The following KCNQ2 variants were observed in gnomAD, a reference collection of about 807,000 sequenced individuals.
KCNQ2 encodes the protein potassium voltage-gated channel subfamily KQT member 2.
In KCNQ2, 14 loss-of-function variants were observed where a neutral mutation model predicts 84.8. The observed-to-expected ratio is 0.17, with a 90% confidence interval of 0.11 to 0.26. The LOEUF is 0.26. Among genes scored for constraint, KCNQ2 ranks in the 10% least tolerant of loss-of-function variants. The pLI is 1.00. For synonymous variants in KCNQ2, 599 were observed against 554.1 expected (o/e 1.08, Z -1.14); for missense variants, 788 against 1,254.0 (o/e 0.63, Z 5.61).
chr20:63,414,269 G>T lies in KCNQ2; in HGVS notation c.1526-76C>A. ...TTCCCGGGGTCCTGCAGGGCACACC[G>T]GCTAGACAGAGCGCCAGGGAGCCCC... On this transcript the variant is annotated intron_variant, in intron 13 of 16. Transcript: ENST00000359125. The surrounding 1 kb of genome is among the most constrained non-coding windows in gnomAD (Gnocchi z 6.6). The T allele has an allele frequency of 9.1e-7, 1 of 1,095,412 alleles. No individual in the cohort carries two copies. Among genetic ancestry groups the T allele is most frequent in the Non-Finnish European group, 1.4e-6 (1 of 717,932 alleles). The allele number at this position is 1,095,412 out of a possible 1,614,324, so 67.9% of individuals were successfully genotyped here. A position where few individuals can be genotyped will look rare whatever the true frequency, so the allele number is the denominator to read the frequency against.
chr20:63,431,291 G>C, intron 9 of KCNQ2, 49 bp downstream of exon 9: 1 of 1,607,948 alleles, frequency 6.2e-7, no homozygotes, highest in Non-Finnish European at 8.5e-7. Context: ...TCCAGACACA[G>C]AACTAGAACC....
intron 10 of KCNQ2, among the ~76,000 whole-genome samples, chr20:63,427,158 G>T (rs980616858): frequency 6.6e-5 from 10 of 152,242 alleles, no homozygotes; most frequent in African/African-American, 2.4e-4. Context: ...GGAAGTGGAG[G>T]TTGCAGTGAG....
At chr20:63,452,306 C>A (rs2081637664) in intron 1 of KCNQ2, among the ~76,000 whole-genome samples, 1 of 152,272 alleles carries the variant, frequency 6.6e-6, no homozygotes, top group African/African-American at 2.4e-5. Flanking sequence ...TAATCCAGTG[C>A]CTGCCTCTGA....
intron 4 of KCNQ2, among the ~76,000 whole-genome samples, 192 bp downstream of exon 4, chr20:63,444,467 C>T (rs1042553606): frequency 1.3e-5 from 2 of 152,130 alleles, no homozygotes; most frequent in Non-Finnish European, 2.9e-5. Flanking sequence ...GCCCAAGTCA[C>T]GAGAAGAAGC....
chr20:63,463,221 C>G (rs1283558342), intron 1 of KCNQ2, among the ~76,000 whole-genome samples: 1 of 152,068 alleles, frequency 6.6e-6, no homozygotes, highest in African/African-American at 2.4e-5. Flanking sequence ...ACAATCACAC[C>G]ACTGCACTCA....
intron 15 of KCNQ2, chr20:63,411,744 A>G: frequency 1.7e-6 from 1 of 585,972 alleles, no homozygotes; most frequent in Non-Finnish European, 3.1e-6. Flanking sequence ...GCCATTCCAC[A>G]GACACGTCGG....
intron 1 of KCNQ2, among the ~76,000 whole-genome samples, chr20:63,461,649 C>A (rs1398630724): frequency 2.0e-5 from 3 of 152,154 alleles, no homozygotes; most frequent in Non-Finnish European, 4.4e-5. Flanking sequence ...ATATCACCTA[C>A]CCCAGGCAGC....
chr20:63,469,061 C>T lies in KCNQ2; in HGVS notation c.296+3107G>A, dbSNP rs546614451. Among the ~76,000 whole-genome samples, 3 of 152,360 alleles carry T rather than the reference C, an allele frequency of 2.0e-5. No individual in the cohort carries two copies. In the East Asian group the frequency reaches 5.8e-4, roughly 29 times the overall value. Reference sequence around the variant, plus strand: ...CAGCAACCCACGCGGGGATCCTGGACGAGGAGGTTCAACTCCGTGGTGGAG... The same window carrying T: ...CAGCAACCCACGCGGGGATCCTGGATGAGGAGGTTCAACTCCGTGGTGGAG... On this transcript the variant is annotated intron_variant, in intron 1 of 16. Coordinates refer to ENST00000359125, the MANE Select transcript of KCNQ2 (RefSeq NM_172107.4).
intron 5 of KCNQ2, among the ~76,000 whole-genome samples, 174 bp downstream of exon 5, chr20:63,442,232 G>A (rs1037809959): frequency 4.9e-5 from 2 of 40,952 alleles, no homozygotes; most frequent in South Asian, 7.7e-4. Context: ...CCACTCCCCC[G>A]CCAGCTTGGC....
In KCNQ2 at chr20:63,428,423, CG is replaced by C. The variant is rs796052657; in HGVS notation, c.1160del (p.Pro387ArgfsTer2). 1 of 1,589,716 alleles carries C rather than the reference CG, an allele frequency of 6.3e-7. No homozygotes were observed. Among genetic ancestry groups the C allele is most frequent in the Non-Finnish European group, 8.6e-7 (1 of 1,168,652 alleles). On this transcript the variant is annotated frameshift_variant, in exon 10 of 17. Coordinates refer to ENST00000359125, the MANE Select transcript of KCNQ2 (RefSeq NM_172107.4). LOFTEE classifies it high-confidence loss of function. ...QTYGASRLIPPLNQLELLRNL... is the reference protein window; with the variant it reads ...QTYGASRLIPXLNQLELLRNL... ...TCCTCAGCAGCTCCAGCTGGTTCAG[CG>C]GGGGGATAAGTCTGGGGCAAGAGAA... is the stretch of plus-strand genomic sequence containing the variant.
rs2079783507 is a variant in KCNQ2 at position 63,400,325 on chromosome 20, C to T, written c.*6319G>A. On this transcript the variant is annotated 3_prime_UTR_variant, in exon 17 of 17. Coordinates refer to ENST00000359125, the MANE Select transcript of KCNQ2 (RefSeq NM_172107.4). This position sits in a 1 kb window ranked among gnomAD's most constrained non-coding sequence, Gnocchi z 8.7. ...CGGCCATCGCGGCCGCAGGACCCCACACCCGAAGTCCCCCGCAAACCCGCA... is the reference window on the plus strand; with the variant it reads ...CGGCCATCGCGGCCGCAGGACCCCATACCCGAAGTCCCCCGCAAACCCGCA... 1 of 302,008 alleles carries T rather than the reference C, an allele frequency of 3.3e-6. No individual in the cohort carries two copies. The highest frequency in any genetic ancestry group is 6.0e-6 in the Non-Finnish European group (1 of 165,734). 18.7% of individuals were successfully genotyped at this position (302,008 alleles called of 1,614,324 possible).
Position 63,472,161 on chromosome 20 carries a change from C to G in KCNQ2, c.296+7G>C. ...GGGTCGCCACGGGGGCCCCGCCGGCCACTCACACGTAGGCGTGGTAGATGA... is the reference window on the plus strand; with the variant it reads ...GGGTCGCCACGGGGGCCCCGCCGGCGACTCACACGTAGGCGTGGTAGATGA... On this transcript the variant is annotated splice_region_variant and intron_variant, in intron 1 of 16. Coordinates refer to ENST00000359125, the MANE Select transcript of KCNQ2 (RefSeq NM_172107.4). 6.7e-7 allele frequency: 1 copy of G among 1,498,652 alleles called. No homozygotes were observed. Among genetic ancestry groups the G allele is most frequent in the Non-Finnish European group, 8.9e-7 (1 of 1,123,364 alleles). The allele number at this position is 1,498,652 out of a possible 1,614,324, so 92.8% of individuals were successfully genotyped here.
intron 7 of KCNQ2, 22 bp from the exon 8 acceptor site, chr20:63,433,925 A>T: frequency 6.2e-7 from 1 of 1,610,884 alleles, no homozygotes; most frequent in Non-Finnish European, 8.5e-7. Context: ...AAGACAAGGC[A>T]GTTGGCGAGG....
chr20:63,432,828 T>TCCACCCTCA (rs2080866242), intron 8 of KCNQ2, among the ~76,000 whole-genome samples: 2 of 48,500 alleles, frequency 4.1e-5, no homozygotes, highest in African/African-American at 1.2e-4. Context: ...CTCCACCCTC[T>TCCACCCTCA]GGGAAGGCCC....
At position 63,460,526 on chromosome 20, in the gene KCNQ2, C is replaced by G. The variant is rs752436455; in HGVS notation, c.296+11642G>C. 1.3e-5 allele frequency among the ~76,000 whole-genome samples: 2 copies of G among 151,980 alleles called. No individual in the cohort carries two copies. The highest frequency in any genetic ancestry group is 4.8e-5 in the African/African-American group (2 of 41,378). ...GTGCCCTCAGCTGGTCCACGGCTCA[C>G]AGCTCCAGTCCCTGGCCCCCTACAA... On this transcript the variant is annotated intron_variant, in intron 1 of 16. Transcript: ENST00000359125. The surrounding 1 kb of genome is among the most constrained non-coding windows in gnomAD (Gnocchi z 5.4).
At position 63,401,083 on chromosome 20, in the gene KCNQ2, C is replaced by T; in HGVS notation, c.*5561G>A. On this transcript the variant is annotated 3_prime_UTR_variant, in exon 17 of 17. Coordinates refer to ENST00000359125, the MANE Select transcript of KCNQ2 (RefSeq NM_172107.4). ...CGAGAGTCAGACGCTGAGGACCTCT[C>T]AGGACGGGGCCCCTGGCCAGAGCCA... The T allele has an allele frequency of 2.6e-6, 1 of 390,186 alleles. No individual in the cohort carries two copies. Among genetic ancestry groups the T allele is most frequent in the East Asian group, 3.6e-5 (1 of 27,432 alleles). The allele number at this position is 390,186 out of a possible 1,614,324, so 24.2% of individuals were successfully genotyped here. A position where few individuals can be genotyped will look rare whatever the true frequency, so the allele number is the denominator to read the frequency against.
chr20:63,409,209 G>T (rs1201817497), intron 15 of KCNQ2, among the ~76,000 whole-genome samples: 1 of 152,270 alleles, frequency 6.6e-6, no homozygotes, highest in Non-Finnish European at 1.5e-5. Flanking sequence ...GTGTGCACGT[G>T]TGTGTGCACT....
chr20:63,424,980 C>A (rs3787118), intron 10 of KCNQ2, among the ~76,000 whole-genome samples: 1 of 152,106 alleles, frequency 6.6e-6, no homozygotes, highest in African/African-American at 2.4e-5. Context: ...TGCCGTGGAA[C>A]ATGGTCCACG....
At chr20:63,454,634 T>C (rs2081722691) in intron 1 of KCNQ2, among the ~76,000 whole-genome samples, 1 of 152,214 alleles carries the variant, frequency 6.6e-6, no homozygotes, top group South Asian at 2.1e-4. Context: ...CTACAAACCG[T>C]GGTGTCCCCA....
Sources: gnomAD v4.1 joint callset for allele counts (sites outside exome capture counted in the v4.1 genomes callset) on GRCh38, gnomAD v4.1.1 for gene constraint, Gnocchi (gnomAD v3.1) non-coding constraint, MANE v1.5 for transcripts, NCBI Gene and HGNC (gene_info 2026-07-23, HGNC 2026-07-21) for gene names.